Variants in ESRRG observed in about 807,000 individuals in gnomAD.
ESRRG encodes the protein estrogen-related receptor gamma.
A neutral mutation model predicts 44.0 loss-of-function variants in ESRRG; 13 were observed. That is an observed-to-expected ratio of 0.30 (90% CI 0.19 to 0.47). The LOEUF is 0.47. Ranked by LOEUF, ESRRG falls within the 20% of genes least tolerant of loss-of-function variation. The pLI is 1.00. For synonymous variants in ESRRG, 215 were observed against 214.6 expected, an observed-to-expected ratio of 1.00 and a Z score of -0.02; for missense variants, 395 against 580.6, an observed-to-expected ratio of 0.68 and a Z score of 3.29.
At chr1:216,556,059 T>C (rs2057481856) in intron 5 of ESRRG, among the ~76,000 whole-genome samples, 1 of 152,192 alleles carries the variant, frequency 6.6e-6, no homozygotes, top group Non-Finnish European at 1.5e-5. Flanking sequence ...GAAAAAGCTT[T>C]TTTAATCAAG....
chr1:216,657,175 T>C (rs1654625713), intron 2 of ESRRG, among the ~76,000 whole-genome samples: 1 of 152,186 alleles, frequency 6.6e-6, no homozygotes, highest in South Asian at 2.1e-4. Context: ...CATTTCCACC[T>C]GAAAGAGAAA....
chr1:216,700,004 C>G (rs2151852156), intron 1 of ESRRG, among the ~76,000 whole-genome samples: 1 of 152,274 alleles, frequency 6.6e-6, no homozygotes, highest in Admixed American at 6.5e-5. Flanking sequence ...CTCAGTCAAT[C>G]AGCCTGGGCT....
chr1:216,727,758 G>A (rs977997392), upstream of ESRRG, among the ~76,000 whole-genome samples: 1 of 151,946 alleles, frequency 6.6e-6, no homozygotes, highest in East Asian at 1.9e-4. Flanking sequence ...CCTTCCTTTT[G>A]ACAAACCTCT....
At chr1:217,004,461 T>C (rs554669354) in intron 1 of ESRRG, among the ~76,000 whole-genome samples, 1 of 152,268 alleles carries the variant, frequency 6.6e-6, no homozygotes, top group South Asian at 2.1e-4. Context: ...TGCCCTTGCT[T>C]CTCCTTTGCC....
rs570766132 is a variant in ESRRG at position 216,831,639 on chromosome 1, A to G, written c.-14+107943T>C. On this transcript the variant is annotated intron_variant, in intron 2 of 7. Transcript: ENST00000359162. ...CGACATTACTTAAGGTAAACTATTA[A>G]TATTAGATAAAAAATTTAGATAATT... 2.0e-5 allele frequency among the ~76,000 whole-genome samples: 3 copies of G among 152,302 alleles called. No homozygotes were observed. The South Asian group carries it at 6.2e-4, about 32-fold the overall frequency.
chr1:217,026,320 G>A (rs540114301), intron 1 of ESRRG, among the ~76,000 whole-genome samples: 6 of 152,198 alleles, frequency 3.9e-5, no homozygotes, highest in African/African-American at 1.2e-4. Context: ...GCCAAGAAAT[G>A]CTTCATTTCA....
chr1:216,547,494 C>T (rs1303774498), intron 5 of ESRRG, among the ~76,000 whole-genome samples: 2 of 136,488 alleles, frequency 1.5e-5, no homozygotes, highest in African/African-American at 4.9e-5. Flanking sequence ...TTTACACTCC[C>T]AGGTACAATT....
intron 1 of ESRRG, among the ~76,000 whole-genome samples, chr1:216,719,585 TA>T (rs2085733963): frequency 6.6e-6 from 1 of 152,042 alleles, no homozygotes; most frequent in Non-Finnish European, 1.5e-5. Flanking sequence ...TTAGCATTTT[TA>T]AAAGCTGAGT....
At chr1:216,963,310 G>A (rs142751798) in intron 1 of ESRRG, among the ~76,000 whole-genome samples, 20 of 152,264 alleles carry the variant, frequency 1.3e-4, no homozygotes, top group Admixed American at 1.0e-3. Flanking sequence ...GTTGGTTTCT[G>A]AGGTTATAAA....
intron 4 of ESRRG, 73 bp from the exon 5 acceptor site, chr1:216,564,453 T>C: frequency 8.0e-7 from 1 of 1,248,224 alleles, no homozygotes; most frequent in Non-Finnish European, 1.1e-6. Context: ...TAGAGCATTT[T>C]GTGTTTTGAA....
At chr1:217,114,723 G>A (rs1284209283) in intron 1 of ESRRG, among the ~76,000 whole-genome samples, 1 of 137,456 alleles carries the variant, frequency 7.3e-6, no homozygotes, top group Non-Finnish European at 1.5e-5. Context: ...AGGCTGGAGT[G>A]CTGGCTCACT....
intron 1 of ESRRG, among the ~76,000 whole-genome samples, chr1:216,945,484 A>C (rs185786524): frequency 6.6e-6 from 1 of 152,240 alleles, no homozygotes; most frequent in Admixed American, 6.5e-5. Flanking sequence ...CTCTTTTAGA[A>C]ATGGTTCAAT....
At position 216,919,680 on chromosome 1, in the gene ESRRG, A is replaced by G. The variant is rs2061594096; in HGVS notation, c.-14+19902T>C. Among the ~76,000 whole-genome samples the G allele has an allele frequency of 2.0e-5, 3 of 152,348 alleles. No individual in the cohort carries two copies. In the South Asian group the frequency reaches 6.2e-4, roughly 32 times the overall value. ...CAGACAAGAAAAACTTGCATTGCAT[A>G]TCCGAATTAGTCTTGCATGGAGGAG... On this transcript the variant is annotated intron_variant, in intron 2 of 7. Coordinates refer to the ESRRG transcript ENST00000359162.
chr1:216,828,434 C>A (rs1320920878), intron 2 of ESRRG, among the ~76,000 whole-genome samples: 2 of 152,092 alleles, frequency 1.3e-5, no homozygotes, highest in African/African-American at 4.8e-5. Context: ...TCATATGTTA[C>A]CACATCTGCC....
At chr1:217,118,168 A>C (rs957869197) in intron 1 of ESRRG, among the ~76,000 whole-genome samples, 1 of 152,228 alleles carries the variant, frequency 6.6e-6, no homozygotes, top group African/African-American at 2.4e-5. Context: ...AAACTCAGAA[A>C]CCATGAGTAA....
intron 2 of ESRRG, among the ~76,000 whole-genome samples, chr1:216,912,183 A>AAGAAAAGAAAAGGAGAGGAG (rs1560083326): frequency 4.7e-5 from 1 of 21,156 alleles, no homozygotes; most frequent in Admixed American, 6.2e-4. Context: ...AAGAAAAGAA[A>AAGAAAAGAAAAGGAGAGGAG]AGGAGAGGAG....
chr1:217,080,930 G>A (rs999410527), intron 1 of ESRRG, among the ~76,000 whole-genome samples: 12 of 151,844 alleles, frequency 7.9e-5, no homozygotes, highest in African/African-American at 2.7e-4. Context: ...GCCCGCCTCG[G>A]CCTGCCAAAG....
intron 1 of ESRRG, among the ~76,000 whole-genome samples, chr1:216,971,413 C>T (rs563032835): frequency 6.6e-6 from 1 of 152,272 alleles, no homozygotes; most frequent in African/African-American, 2.4e-5. Context: ...ATTGGAAATG[C>T]GTGTCATCCA....
intron 1 of ESRRG, among the ~76,000 whole-genome samples, chr1:217,104,088 CTAA>C (rs2092556990): frequency 6.6e-6 from 1 of 152,198 alleles, no homozygotes; most frequent in South Asian, 2.1e-4. Context: ...AAAACATCCT[CTAA>C]TGTTGCTCTT....
Sources: allele counts gnomAD v4.1 joint callset (sites outside exome capture counted in the v4.1 genomes callset), GRCh38; gene constraint gnomAD v4.1.1; transcripts MANE v1.5; gene names NCBI Gene and HGNC (gene_info 2026-07-23, HGNC 2026-07-21).